The following GRM7 variants were observed in gnomAD, a reference collection of about 807,000 sequenced individuals.
GRM7 encodes the protein glutamate metabotropic receptor 7.
A neutral mutation model predicts 84.5 loss-of-function variants in GRM7; 35 were observed. That is an observed-to-expected ratio of 0.41 (90% CI 0.32 to 0.55). The LOEUF (loss-of-function observed/expected upper bound fraction) is 0.55. Among genes scored for constraint, GRM7 ranks in the 20% least tolerant of loss-of-function variants. The pLI, the probability that GRM7 is intolerant of heterozygous loss-of-function variation, is 0.19. For missense variants in GRM7, 1,003 were observed against 1,194.6 expected (o/e 0.84, Z 2.36); for synonymous variants, 487 against 455.1 (o/e 1.07, Z -0.89).
chr3:7,695,508 A>G (rs1700985129), intron 9 of GRM7, among the ~76,000 whole-genome samples: 1 of 152,200 alleles, frequency 6.6e-6, no homozygotes, highest in South Asian at 2.1e-4. Context: ...TTTCTGCCCA[A>G]TCAAGTAGTG....
intron 1 of GRM7, among the ~76,000 whole-genome samples, chr3:7,083,618 C>G (rs1243465863): frequency 6.6e-6 from 1 of 152,114 alleles, no homozygotes; most frequent in Non-Finnish European, 1.5e-5. Flanking sequence ...TTCACTGATT[C>G]ATCCAATAGT....
In GRM7 at chr3:7,306,605, T is replaced by C; in HGVS notation, c.986T>C (p.Ile329Thr). Residue 329 changes from isoleucine (I) to threonine (T), a missense_variant, in exon 4 of 10, where the codon ATC becomes ACC. This residue lies in a region of GRM7 where 910 missense variants were observed against 1,126.0 expected (regional missense o/e 0.81). Coordinates refer to ENST00000357716, the MANE Select transcript of GRM7 (RefSeq NM_000844.4). ...KINPLHQHED[I>T]AEGAITIQPK... ...AACCCACTGCACCAGCATGAAGATA[T>C]CGCAGAAGGGGCCATCACCATTCAG... The C allele has an allele frequency of 6.2e-7, 1 of 1,613,150 alleles. No homozygotes were observed. Among genetic ancestry groups the C allele is most frequent in the Non-Finnish European group, 8.5e-7 (1 of 1,179,538 alleles).
At chr3:7,501,939 T>A (rs1334026423) in intron 7 of GRM7, among the ~76,000 whole-genome samples, 1 of 152,210 alleles carries the variant, frequency 6.6e-6, no homozygotes, top group Non-Finnish European at 1.5e-5. Context: ...TTTTCTATCC[T>A]ACGCAAGAAT....
chr3:7,236,951 T>C (rs1697368430), intron 2 of GRM7, among the ~76,000 whole-genome samples: 1 of 152,228 alleles, frequency 6.6e-6, no homozygotes, highest in Non-Finnish European at 1.5e-5. Context: ...TCGTTCTTTC[T>C]CAGCCATCGT....
At chr3:6,924,718 T>C (rs527626810) in intron 1 of GRM7, among the ~76,000 whole-genome samples, 1 of 151,904 alleles carries the variant, frequency 6.6e-6, no homozygotes, top group African/African-American at 2.4e-5. Context: ...ATAAACACTG[T>C]AAGAGGCTAC....
intron 7 of GRM7, chr3:7,561,470 G>A (rs1243359935): frequency 2.2e-6 from 1 of 455,982 alleles, no homozygotes; most frequent in Non-Finnish European, 4.4e-6. Context: ...TGAGATAGGA[G>A]AATTACAAGA....
intron 1 of GRM7, among the ~76,000 whole-genome samples, chr3:6,947,613 G>A (rs1190924802): frequency 2.0e-5 from 3 of 152,050 alleles, no homozygotes; most frequent in African/African-American, 4.8e-5. Flanking sequence ...TGATTGGAAT[G>A]GTTTCAGAAG....
Position 7,162,900 on chromosome 3 carries a change from C to T in GRM7, c.736+16232C>T, listed in dbSNP as rs530812606. Among the ~76,000 whole-genome samples, 22 of 151,382 alleles carry T rather than the reference C, an allele frequency of 1.5e-4. 2 individuals carry two copies. In the South Asian group the frequency reaches 3.4e-3, roughly 23 times the overall value. ...TCAGCCTACTTAGTAGCTGAGATTA[C>T]GGGAGTGCACCACAGTACCAGGCTA... On this transcript the variant is annotated intron_variant, in intron 2 of 9. Coordinates refer to ENST00000357716, the MANE Select transcript of GRM7 (RefSeq NM_000844.4).
chr3:7,167,078 T>C (rs1419156633), intron 2 of GRM7, among the ~76,000 whole-genome samples: 1 of 152,258 alleles, frequency 6.6e-6, no homozygotes, highest in Admixed American at 6.5e-5. Flanking sequence ...TTTTGTATTT[T>C]AATATTCACT....
chr3:7,453,376 A>G (rs1017606828), intron 6 of GRM7, among the ~76,000 whole-genome samples: 1 of 152,102 alleles, frequency 6.6e-6, no homozygotes, highest in Non-Finnish European at 1.5e-5. Context: ...GCCACTTGCA[A>G]TGACAGTGGC....
chr3:7,125,138 C>T (rs1185335380), intron 1 of GRM7, among the ~76,000 whole-genome samples: 1 of 152,054 alleles, frequency 6.6e-6, no homozygotes, highest in Non-Finnish European at 1.5e-5. Flanking sequence ...TGGGGTTTCG[C>T]CTTGTTGGCC....
chr3:7,459,672 G>A (rs551007118), intron 6 of GRM7, among the ~76,000 whole-genome samples: 15 of 152,148 alleles, frequency 9.9e-5, no homozygotes, highest in East Asian at 9.7e-4. Context: ...GAAACTGCCC[G>A]CATGATTCAA....
At chr3:7,508,347 C>T (rs1700096962) in intron 7 of GRM7, among the ~76,000 whole-genome samples, 1 of 151,984 alleles carries the variant, frequency 6.6e-6, no homozygotes, top group Admixed American at 6.6e-5. Flanking sequence ...CAATCTGTGC[C>T]TTAAATTTAA....
At chr3:6,989,980 AGTTGCTCTGATTTT>A (rs1694572790) in intron 1 of GRM7, among the ~76,000 whole-genome samples, 1 of 152,150 alleles carries the variant, frequency 6.6e-6, no homozygotes, top group South Asian at 2.1e-4. Flanking sequence ...CTCTTTCCTC[AGTTGCTCTGATTTT>A]GTGACTTTCA....
At chr3:7,418,563 T>G (rs1017464518) in intron 5 of GRM7, among the ~76,000 whole-genome samples, 2 of 152,206 alleles carry the variant, frequency 1.3e-5, no homozygotes, top group African/African-American at 4.8e-5. Flanking sequence ...TTTTCTGCGT[T>G]GTATTTATGT....
chr3:6,890,916 C>G (rs1336912940), intron 1 of GRM7, among the ~76,000 whole-genome samples: 1 of 152,092 alleles, frequency 6.6e-6, no homozygotes, highest in African/African-American at 2.4e-5. Flanking sequence ...CTGGGTGCTC[C>G]TGTATTGGGT....
chr3:7,187,500 G>T (rs1695560611), intron 2 of GRM7, among the ~76,000 whole-genome samples: 2 of 152,190 alleles, frequency 1.3e-5, no homozygotes, highest in Non-Finnish European at 2.9e-5. Flanking sequence ...GCCCAGGAAA[G>T]AATTCAAGGG....
At chr3:7,241,913 A>T (rs1441131036) in intron 2 of GRM7, among the ~76,000 whole-genome samples, 1 of 152,152 alleles carries the variant, frequency 6.6e-6, no homozygotes. Context: ...TTCTCAGCAT[A>T]GCTGGCACAG....
intron 5 of GRM7, among the ~76,000 whole-genome samples, chr3:7,428,135 T>TA (rs1175873207): frequency 6.6e-6 from 1 of 152,186 alleles, no homozygotes; most frequent in Non-Finnish European, 1.5e-5. Flanking sequence ...AAGGAGCTTA[T>TA]ACCATTGTTT....
Sources: allele counts gnomAD v4.1 joint callset (sites outside exome capture counted in the v4.1 genomes callset), GRCh38; gene constraint gnomAD v4.1.1; regional missense constraint gnomAD v4.1.1; transcripts MANE v1.5; gene names NCBI Gene and HGNC (gene_info 2026-07-23, HGNC 2026-07-21).